The following ZNF618 variants were observed in gnomAD, a reference collection of about 807,000 sequenced individuals.
ZNF618 encodes the protein neural precursor cell expressed, developmentally down-regulated 10.
A neutral mutation model predicts 103.0 loss-of-function variants in ZNF618; 34 were observed. That is an observed-to-expected ratio of 0.33 (90% confidence interval 0.25 to 0.44). ZNF618 has a LOEUF of 0.44. Ranked by LOEUF, ZNF618 falls within the 20% of genes least tolerant of loss-of-function variation. The pLI, the probability that ZNF618 is intolerant of heterozygous loss-of-function variation, is 1.00. For missense variants in ZNF618, 1,059 were observed against 1,295.4 expected, an observed-to-expected ratio of 0.82 and a Z score of 2.80; for synonymous variants, 551 against 542.2, an observed-to-expected ratio of 1.02 and a Z score of -0.23.
chr9:113,922,579 A>G (rs1832744622), intron 1 of ZNF618, among the ~76,000 whole-genome samples: 1 of 151,084 alleles, frequency 6.6e-6, no homozygotes, highest in East Asian at 1.9e-4. Flanking sequence ...TTTGTCAAAT[A>G]TCAGTTGACT....
intron 6 of ZNF618, among the ~76,000 whole-genome samples, chr9:114,005,287 G>A (rs192180214): frequency 8.1e-4 from 123 of 152,268 alleles, no homozygotes; most frequent in African/African-American, 2.6e-3. Context: ...AAAATGCAGC[G>A]GTTCTGAAAA....
chr9:113,958,357 A>G (rs1390262693), intron 1 of ZNF618, among the ~76,000 whole-genome samples: 1 of 152,194 alleles, frequency 6.6e-6, no homozygotes, highest in Non-Finnish European at 1.5e-5. Context: ...AGTTGAGAAC[A>G]TTAAATGAAA....
intron 3 of ZNF618, among the ~76,000 whole-genome samples, chr9:113,992,485 A>G (rs538054694): frequency 6.6e-6 from 1 of 152,256 alleles, no homozygotes; most frequent in Non-Finnish European, 1.5e-5. Flanking sequence ...CCCCTGCTGC[A>G]GTGTGCATTC....
intron 2 of ZNF618, among the ~76,000 whole-genome samples, chr9:113,984,725 T>G (rs1220830481): frequency 6.6e-6 from 1 of 152,222 alleles, no homozygotes; most frequent in Non-Finnish European, 1.5e-5. Context: ...CTTCCATCTC[T>G]TTGCCTACTG....
At chr9:113,907,381 C>T (rs10982001) in intron 1 of ZNF618, among the ~76,000 whole-genome samples, 1 of 152,368 alleles carries the variant, frequency 6.6e-6, no homozygotes, top group East Asian at 1.9e-4. Flanking sequence ...ATGGTGTTCA[C>T]AGGTCTGCTT....
intron 3 of ZNF618, among the ~76,000 whole-genome samples, chr9:113,989,717 G>A (rs1010817436): frequency 1.3e-5 from 2 of 152,326 alleles, no homozygotes; most frequent in East Asian, 1.9e-4. Flanking sequence ...CCATGGCCTC[G>A]TTTCTGCAAG....
At chr9:113,876,624 TCTTTTGGGGC>T in intron 1 of ZNF618, among the ~76,000 whole-genome samples, 1 of 149,466 alleles carries the variant, frequency 6.7e-6, no homozygotes, top group Non-Finnish European at 1.5e-5. Flanking sequence ...GACGAGGGGG[TCTTTTGGGGC>T]CCCCACCCAG....
chr9:113,899,548 C>T (rs1324355370), intron 1 of ZNF618, among the ~76,000 whole-genome samples: 1 of 152,176 alleles, frequency 6.6e-6, no homozygotes, highest in Non-Finnish European at 1.5e-5. Context: ...TGGTTGCGCT[C>T]CTTAGGAGAA....
chr9:113,997,016 G>C (rs1430412643), intron 3 of ZNF618, among the ~76,000 whole-genome samples: 1 of 152,048 alleles, frequency 6.6e-6, no homozygotes, highest in African/African-American at 2.4e-5. Context: ...CTGGGAAGAT[G>C]GTGGACGGAA....
rs115725029 is a variant in ZNF618, at chr9:113,996,506, G to A, written c.338-1753G>A. Among the ~76,000 whole-genome samples the A allele has an allele frequency of 8.6e-3, 1,307 of 152,188 alleles. 20 individuals carry two copies. Among genetic ancestry groups the A allele is most frequent in the African/African-American group, 0.025 (1,023 of 41,508 alleles). On this transcript the variant is annotated intron_variant, in intron 3 of 14. Transcript: ENST00000374126. ...ATCCTCTCCTAGGCATCTTCCCAGCGTCCCCCTCTGTGACTTCAGGAACTA... is the reference window on the plus strand; with the variant it reads ...ATCCTCTCCTAGGCATCTTCCCAGCATCCCCCTCTGTGACTTCAGGAACTA...
rs1267411950 is a variant in ZNF618 at position 114,050,926 on chromosome 9, T to C, written c.*759T>C. 9 of 152,618 alleles carry C rather than the reference T, an allele frequency of 5.9e-5. No individual in the cohort carries two copies. Among genetic ancestry groups the C allele is most frequent in the Admixed American group, 5.9e-4 (9 of 15,288 alleles). The allele number at this position is 152,618 out of a possible 1,614,324, so 9.5% of individuals were successfully genotyped here. A position where few individuals can be genotyped will look rare whatever the true frequency, so the allele number is the denominator to read the frequency against. ...GGGGCAGCCGCCTTAGAAACACACC[T>C]ATCTATCTCCCCAAATCAGGAAAGG... On this transcript the variant is annotated 3_prime_UTR_variant, in exon 15 of 15. Transcript: ENST00000374126.
intron 10 of ZNF618, among the ~76,000 whole-genome samples, chr9:114,026,751 C>G (rs1486014366): frequency 1.3e-5 from 2 of 152,188 alleles, no homozygotes; most frequent in Non-Finnish European, 2.9e-5. Flanking sequence ...GTAATAGATA[C>G]TTACATTTGA....
chr9:113,940,629 C>T (rs927320889), intron 1 of ZNF618, among the ~76,000 whole-genome samples: 2 of 151,902 alleles, frequency 1.3e-5, no homozygotes, highest in African/African-American at 2.4e-5. Context: ...TTTTTTACCA[C>T]GTCTGCTTTT....
In ZNF618 at chr9:113,887,352, T is replaced by C. The variant is rs1168850201; in HGVS notation, c.33+10939T>C. Among the ~76,000 whole-genome samples, 3 of 152,202 alleles carry C rather than the reference T, an allele frequency of 2.0e-5. No homozygotes were observed. The East Asian group carries it at 5.8e-4, about 29-fold the overall frequency. On this transcript the variant is annotated intron_variant, in intron 1 of 14. Coordinates refer to ENST00000374126, the MANE Select transcript of ZNF618 (RefSeq NM_001318042.2). ...CTCTGCTTATCCCTCCCCTAAACATTAGTTGAACACTTTGAAAGAAAGCAA... is the reference window on the plus strand; with the variant it reads ...CTCTGCTTATCCCTCCCCTAAACATCAGTTGAACACTTTGAAAGAAAGCAA...
At chr9:114,021,850 G>A (rs140365557) in intron 10 of ZNF618, among the ~76,000 whole-genome samples, 198 of 152,142 alleles carry the variant, frequency 1.3e-3, no homozygotes, top group Non-Finnish European at 2.1e-3. Flanking sequence ...TTTTTGAAGG[G>A]AGAGGTCTGG....
chr9:114,048,848 G>A lies in ZNF618; in HGVS notation c.1546G>A (p.Gly516Ser). 6.2e-7 allele frequency: 1 copy of A among 1,609,934 alleles called. No individual in the cohort carries two copies. Residue 516 changes from glycine to serine, a missense_variant, in exon 15 of 15, where the codon GGC (glycine) becomes AGC (serine). Gly to Ser is a moderately conservative substitution (Grantham distance 56, BLOSUM62 0). This residue lies in a region of ZNF618 where 434 missense variants were observed against 476.0 expected (regional missense o/e 0.91). Coordinates refer to ENST00000374126, the MANE Select transcript of ZNF618 (RefSeq NM_001318042.2). ...YGAFSVTEIL[G>S]NFNTLALKHL... ...GGCCTTCTCGGTCACTGAAATCCTG[G>A]GCAACTTCAACACGCTGGCGCTGAA...
At chr9:113,987,402 G>C (rs1394395228) in intron 2 of ZNF618, among the ~76,000 whole-genome samples, 1 of 152,130 alleles carries the variant, frequency 6.6e-6, no homozygotes, top group Non-Finnish European at 1.5e-5. Context: ...CCCACGCCCT[G>C]CCCTCTTCAG....
In ZNF618 at chr9:114,048,668, A is replaced by G; in HGVS notation, c.1366A>G (p.Thr456Ala). 6.2e-7 allele frequency: 1 copy of G among 1,612,648 alleles called. No individual in the cohort carries two copies. The change falls in exon 15 of 15, where the codon ACA becomes GCA. Residue 456 changes from threonine (T) to alanine (A), a missense_variant. Physicochemically the swap from Thr to Ala is moderately conservative, Grantham distance 58. Transcript: ENST00000374126. ...TCTGCCAGCCACTACCAGTGGTTTA[A>G]CACCCAACAGCATGATCCCCGAAAA... Reference protein sequence around the residue: ...SANNTTTSGLTPNSMIPEKER... With the variant: ...SANNTTTSGLAPNSMIPEKER...
chr9:113,907,580 C>A (rs2131369145), intron 1 of ZNF618, among the ~76,000 whole-genome samples: 1 of 152,310 alleles, frequency 6.6e-6, no homozygotes, highest in South Asian at 2.1e-4. Flanking sequence ...CCAGGCCCAG[C>A]AGGCTGAGGA....
Sources: gnomAD v4.1 joint callset for allele counts (sites outside exome capture counted in the v4.1 genomes callset) on GRCh38, gnomAD v4.1.1 for gene constraint, gnomAD v4.1.1 regional missense constraint, MANE v1.5 for transcripts, NCBI Gene and HGNC (gene_info 2026-07-23, HGNC 2026-07-21) for gene names.